Variants in GLDN observed in about 807,000 individuals in gnomAD.
GLDN encodes the protein collomin.
A neutral mutation model predicts 56.5 loss-of-function variants in GLDN; 47 were observed. The observed-to-expected ratio is 0.83, with a 90% confidence interval of 0.66 to 1.06. The LOEUF (loss-of-function observed/expected upper bound fraction) is 1.06. Among genes scored for constraint, GLDN ranks in the 50% least tolerant of loss-of-function variants. GLDN has a pLI of 0.00. For synonymous variants in GLDN, 332 were observed against 278.8 expected (o/e 1.19, Z -1.90); for missense variants, 782 against 714.3 (o/e 1.09, Z -1.08).
intron 1 of GLDN, among the ~76,000 whole-genome samples, chr15:51,374,828 C>G (rs1161987297): frequency 2.0e-5 from 3 of 150,316 alleles, no homozygotes; most frequent in African/African-American, 7.4e-5. Context: ...GCCTCAGCCT[C>G]CAGGGTTCAA....
intron 1 of GLDN, among the ~76,000 whole-genome samples, chr15:51,373,765 A>G (rs2037565135): frequency 6.6e-6 from 1 of 152,238 alleles, no homozygotes; most frequent in African/African-American, 2.4e-5. Context: ...CAGGGCCACA[A>G]CATGGATGGG....
At chr15:51,349,344 G>A (rs12441382) in intron 1 of GLDN, among the ~76,000 whole-genome samples, 23,045 of 152,282 alleles carry the variant, frequency 0.15, 1,929 homozygotes, top group South Asian at 0.26. Context: ...TCCAAATGTT[G>A]TAAAAGCTGA....
At chr15:51,370,375 G>A (rs1204569024) in intron 1 of GLDN, among the ~76,000 whole-genome samples, 1 of 152,046 alleles carries the variant, frequency 6.6e-6, no homozygotes, top group African/African-American at 2.4e-5. Flanking sequence ...GTTTACCCAG[G>A]GCAGCTCCAT....
At chr15:51,397,698 GA>G in intron 6 of GLDN, 100 bp downstream of exon 6, 1 of 1,316,370 alleles carries the variant, frequency 7.6e-7, no homozygotes, top group East Asian at 2.8e-5. Flanking sequence ...TTAATAGAGG[GA>G]GGAGGGTTTT....
At chr15:51,403,689 C>T (rs1387378323) in intron 9 of GLDN, among the ~76,000 whole-genome samples, 1 of 152,198 alleles carries the variant, frequency 6.6e-6, no homozygotes, top group African/African-American at 2.4e-5. Context: ...AACAGCCCTT[C>T]TCACCTGCTG....
At position 51,341,811 on chromosome 15, in the gene GLDN, G is replaced by T; in HGVS notation, c.127G>T (p.Gly43Trp). 1 of 1,513,850 alleles carries T rather than the reference G, an allele frequency of 6.6e-7. No homozygotes were observed. Among genetic ancestry groups the T allele is most frequent in the African/African-American group, 1.4e-5 (1 of 69,724 alleles). The allele number at this position is 1,513,850 out of a possible 1,614,324, so 93.8% of individuals were successfully genotyped here. Residue 43 changes from glycine (G) to tryptophan (W), a missense_variant, in exon 1 of 10, where the codon GGG becomes TGG. By Grantham distance (184) the Gly-to-Trp change is radical. Coordinates refer to ENST00000335449, the MANE Select transcript of GLDN (RefSeq NM_181789.4). ...GTVFALCQWR[G>W]LSSALRALEA... ...GGTGTTCGCGCTGTGCCAGTGGCGC[G>T]GGCTGAGCTCGGCGCTGCGGGCTTT... is the stretch of plus-strand genomic sequence containing the variant.
At chr15:51,347,528 C>G (rs1407273113) in intron 1 of GLDN, among the ~76,000 whole-genome samples, 1 of 152,152 alleles carries the variant, frequency 6.6e-6, no homozygotes, top group African/African-American at 2.4e-5. Context: ...AGATTGGACA[C>G]CCCTAACCTA....
intron 2 of GLDN, among the ~76,000 whole-genome samples, chr15:51,378,689 A>T (rs1378316487): frequency 2.6e-5 from 4 of 152,236 alleles, no homozygotes; most frequent in African/African-American, 7.2e-5. Context: ...TTTTCAAAAG[A>T]CAGCACCTTC....
rs181746971 is a variant in GLDN, at chr15:51,383,599, C to T, written c.433+146C>T. The T allele has an allele frequency of 8.5e-5, 92 of 1,079,238 alleles. No individual in the cohort carries two copies. The African/African-American group carries it at 1.4e-3, about 17-fold the overall frequency. The allele number at this position is 1,079,238 out of a possible 1,614,324, so 66.9% of individuals were successfully genotyped here. On this transcript the variant is annotated intron_variant, in intron 3 of 9. Coordinates refer to ENST00000335449, the MANE Select transcript of GLDN (RefSeq NM_181789.4). ...CCTTCTTTGTGCCCCTCACCTGAGG[C>T]TCTGCCATCACCATCCCCCCACTTG... is the stretch of plus-strand genomic sequence containing the variant.
rs1441852710 is a variant in GLDN at position 51,365,249 on chromosome 15, A to G, written c.364-12200A>G. 3.3e-5 allele frequency among the ~76,000 whole-genome samples: 5 copies of G among 152,064 alleles called. No homozygotes were observed. The East Asian group carries it at 9.6e-4, about 29-fold the overall frequency. On this transcript the variant is annotated intron_variant, in intron 1 of 9. Transcript: ENST00000335449. ...TAAAAAATATGTTCATTTGTTATTT[A>G]AATTTTTTTCATTGTATGAGATTTT...
chr15:51,362,422 T>C (rs2037317690), intron 1 of GLDN, among the ~76,000 whole-genome samples: 2 of 150,896 alleles, frequency 1.3e-5, no homozygotes, highest in African/African-American at 4.9e-5. Context: ...GAGGCAGACG[T>C]TGCAGTGAGC....
intron 1 of GLDN, among the ~76,000 whole-genome samples, chr15:51,366,202 G>C (rs928745936): frequency 1.3e-5 from 2 of 152,174 alleles, no homozygotes; most frequent in Non-Finnish European, 2.9e-5. Context: ...AGCCATATTG[G>C]GAGAACACGG....
chr15:51,400,715 A>C (rs1229766432), intron 8 of GLDN, among the ~76,000 whole-genome samples: 1 of 152,238 alleles, frequency 6.6e-6, no homozygotes, highest in Admixed American at 6.5e-5. Context: ...CAGGGGCATG[A>C]GGAGGGTAAC....
At chr15:51,386,089 C>A (rs954026078) in intron 4 of GLDN, among the ~76,000 whole-genome samples, 1 of 152,106 alleles carries the variant, frequency 6.6e-6, no homozygotes, top group Non-Finnish European at 1.5e-5. Context: ...TGGAGGGTGA[C>A]CCCAATCCTT....
intron 1 of GLDN, 158 bp downstream of exon 1, chr15:51,342,205 C>T (rs1353441364): frequency 8.1e-6 from 7 of 862,854 alleles, no homozygotes; most frequent in Middle Eastern, 3.2e-4. Flanking sequence ...TTGGCAAGCA[C>T]CTCAACCCAC....
At chr15:51,377,310 T>G in intron 1 of GLDN, 139 bp from the exon 2 acceptor site, 1 of 637,258 alleles carries the variant, frequency 1.6e-6, no homozygotes, top group Non-Finnish European at 2.8e-6. Context: ...GGGACATCAC[T>G]GCGTTTTCCT....
intron 6 of GLDN, 55 bp from the exon 7 acceptor site, chr15:51,400,137 A>G: frequency 6.6e-7 from 1 of 1,523,634 alleles, no homozygotes; most frequent in African/African-American, 1.4e-5. Flanking sequence ...ATAAAGTCCA[A>G]CAAATCTCAC....
At chr15:51,362,713 T>G (rs1261922901) in intron 1 of GLDN, among the ~76,000 whole-genome samples, 24 of 152,102 alleles carry the variant, frequency 1.6e-4, no homozygotes, top group Non-Finnish European at 2.4e-4. Flanking sequence ...GGCTTCTCAA[T>G]GATGAGAATA....
At chr15:51,392,104 A>G (rs1307118497) in intron 4 of GLDN, among the ~76,000 whole-genome samples, 2 of 152,220 alleles carry the variant, frequency 1.3e-5, no homozygotes, top group Non-Finnish European at 2.9e-5. Context: ...GAACATGAAT[A>G]TGGAAGAGCA....
Sources: allele counts gnomAD v4.1 joint callset (sites outside exome capture counted in the v4.1 genomes callset), GRCh38; gene constraint gnomAD v4.1.1; transcripts MANE v1.5; gene names NCBI Gene and HGNC (gene_info 2026-07-23, HGNC 2026-07-21).